The following SLC22A23 variants were observed in gnomAD, a reference collection of about 807,000 sequenced individuals.
The protein encoded by SLC22A23 is ion transporter protein.
In SLC22A23, 26 loss-of-function variants were observed where a neutral mutation model predicts 61.0. The ratio of observed to expected loss-of-function variants is 0.43; its 90% CI spans 0.31 to 0.59. SLC22A23 has a LOEUF of 0.59. Among genes scored for constraint, SLC22A23 ranks in the 20% least tolerant of loss-of-function variants. The pLI is 0.11. For synonymous variants in SLC22A23, 430 were observed against 413.9 expected (o/e 1.04, Z -0.47); for missense variants, 796 against 934.7 (o/e 0.85, Z 1.94).
chr6:3,383,401 TA>T (rs1232491682), intron 3 of SLC22A23, among the ~76,000 whole-genome samples: 1 of 152,154 alleles, frequency 6.6e-6, no homozygotes. Context: ...CAAAGCCGGG[TA>T]GTGAGTACAT....
chr6:3,289,742 G>T, intron 6 of SLC22A23, 22 bp downstream of exon 6: 3 of 1,605,324 alleles, frequency 1.9e-6, no homozygotes, highest in Non-Finnish European at 1.7e-6. Flanking sequence ...CACCCAGCTG[G>T]CACTTGTCCT....
At chr6:3,279,520 A>AAAAAAAAAAAAAAAC (rs1759236164) in intron 9 of SLC22A23, among the ~76,000 whole-genome samples, 1 of 147,942 alleles carries the variant, frequency 6.8e-6, no homozygotes, top group Non-Finnish European at 1.5e-5. Context: ...AAAAAAAAAA[A>AAAAAAAAAAAAAAAC]AAAAAAAAAA....
At position 3,318,402 on chromosome 6, in the gene SLC22A23, C is replaced by G. The variant is rs557087939; in HGVS notation, c.1082+5432G>C. Among the ~76,000 whole-genome samples the G allele has an allele frequency of 6.6e-6, 1 of 152,160 alleles. No homozygotes were observed. Among genetic ancestry groups the G allele is most frequent in the East Asian group, 1.9e-4 (1 of 5,184 alleles). ...CACCATCCGCCTGCCCCAGTCACCC[C>G]GGGGCCAGCTTCCAGACACCTAGGG... On this transcript the variant is annotated intron_variant, in intron 4 of 9. Transcript: ENST00000406686. This position sits in a 1 kb window ranked among gnomAD's most constrained non-coding sequence, Gnocchi z 4.3.
At chr6:3,292,366 G>T (rs1239945400) in intron 5 of SLC22A23, among the ~76,000 whole-genome samples, 3 of 152,220 alleles carry the variant, frequency 2.0e-5, no homozygotes, top group Non-Finnish European at 4.4e-5. Flanking sequence ...GTATCAGATG[G>T]ACATCTAGAG....
intron 3 of SLC22A23, among the ~76,000 whole-genome samples, chr6:3,350,767 T>C (rs982424595): frequency 2.0e-5 from 3 of 152,162 alleles, no homozygotes; most frequent in Non-Finnish European, 2.9e-5. Flanking sequence ...TGATTTTTAT[T>C]ATGAGAGCAG....
At chr6:3,365,505 T>C (rs1765748855) in intron 3 of SLC22A23, among the ~76,000 whole-genome samples, 1 of 151,822 alleles carries the variant, frequency 6.6e-6, no homozygotes, top group Non-Finnish European at 1.5e-5. Context: ...TGGCTGAGCC[T>C]GAGTGAGTGA....
At chr6:3,400,535 T>C (rs12204791) in intron 3 of SLC22A23, among the ~76,000 whole-genome samples, 16,977 of 152,262 alleles carry the variant, frequency 0.11, 1,049 homozygotes, top group Middle Eastern at 0.14. Flanking sequence ...TGGAACTTCA[T>C]GGTTTTACAG....
intron 1 of SLC22A23, among the ~76,000 whole-genome samples, chr6:3,441,442 T>C (rs1771589352): frequency 6.6e-6 from 1 of 152,158 alleles, no homozygotes; most frequent in African/African-American, 2.4e-5. Context: ...TCAGGACCCA[T>C]GCCCTCCTCT....
chr6:3,344,696 C>A (rs1688977852), intron 3 of SLC22A23, among the ~76,000 whole-genome samples: 1 of 152,202 alleles, frequency 6.6e-6, no homozygotes, highest in Non-Finnish European at 1.5e-5. Context: ...TTGAAAGAAC[C>A]AATTCCAAAC....
Position 3,304,030 on chromosome 6 carries a change from T to A in SLC22A23, c.1083-5812A>T, listed in dbSNP as rs1306103868. Among the ~76,000 whole-genome samples, 1 of 152,230 alleles carries A rather than the reference T, an allele frequency of 6.6e-6. No individual in the cohort carries two copies. Among genetic ancestry groups the A allele is most frequent in the East Asian group, 1.9e-4 (1 of 5,202 alleles). On this transcript the variant is annotated intron_variant, in intron 4 of 9. Transcript: ENST00000406686. This position sits in a 1 kb window ranked among gnomAD's most constrained non-coding sequence, Gnocchi z 4.3. ...ATTATGCATACCAGGCAGACATTGG[T>A]GCTACTGGAATTCCATCAGTCCAGG...
chr6:3,286,021 A>G lies in SLC22A23; in HGVS notation c.1546+838T>C, dbSNP rs780670039. The stretch of plus-strand genomic sequence containing the variant: ...AGATGCTGTGGTGGTTTGTCCATAC[A>G]CGGGAATGGGTATTTGTTGGTGAGG... On this transcript the variant is annotated intron_variant, in intron 7 of 9. Coordinates refer to ENST00000406686, the MANE Select transcript of SLC22A23 (RefSeq NM_015482.2). This position sits in a 1 kb window ranked among gnomAD's most constrained non-coding sequence, Gnocchi z 4.2. 6.6e-6 allele frequency among the ~76,000 whole-genome samples: 1 copy of G among 151,848 alleles called. No homozygotes were observed. Among genetic ancestry groups the G allele is most frequent in the Non-Finnish European group, 1.5e-5 (1 of 67,996 alleles).
chr6:3,356,863 A>C lies in SLC22A23; in HGVS notation c.914-32861T>G, dbSNP rs142494316. On this transcript the variant is annotated intron_variant, in intron 3 of 9. Transcript: ENST00000406686. Reference sequence around the variant, plus strand: ...AATATCAAGTAGTATCCCCATTTCCAAGATGGGAAATGGCCCCTTCAAAGG... The same window carrying C: ...AATATCAAGTAGTATCCCCATTTCCCAGATGGGAAATGGCCCCTTCAAAGG... Among the ~76,000 whole-genome samples the C allele has an allele frequency of 3.2e-3, 484 of 152,152 alleles. 4 individuals are homozygous for C. Among genetic ancestry groups the C allele is most frequent in the African/African-American group, 0.01 (434 of 41,510 alleles).
chr6:3,310,144 C>A (rs1762265751), intron 4 of SLC22A23, among the ~76,000 whole-genome samples: 1 of 152,208 alleles, frequency 6.6e-6, no homozygotes, highest in Non-Finnish European at 1.5e-5. Context: ...AGGAAAATTT[C>A]TCTGTGTTTT....
Position 3,456,086 on chromosome 6 carries a change from G to A in SLC22A23, c.474C>T (p.Thr158=). ...DMGNWTSLPT[T]PFATAPWEAA... ...CCTCCCAGGGGGCAGTGGCGAAGGG[G>A]GTGGTGGGGAGGCTGGTCCAGTTGC... Residue 158 remains threonine, a synonymous_variant, in exon 1 of 10, where the codon ACC becomes ACT. Coordinates refer to ENST00000406686, the MANE Select transcript of SLC22A23 (RefSeq NM_015482.2). The surrounding 1 kb of genome is among the most constrained non-coding windows in gnomAD (Gnocchi z 7.1). 3.9e-6 allele frequency: 6 copies of A among 1,550,406 alleles called. No individual in the cohort carries two copies. The highest frequency in any genetic ancestry group is 5.2e-6 in the Non-Finnish European group (6 of 1,146,644).
intron 3 of SLC22A23, among the ~76,000 whole-genome samples, chr6:3,382,258 A>G (rs1009183741): frequency 1.3e-5 from 2 of 152,258 alleles, no homozygotes; most frequent in Admixed American, 1.3e-4. Context: ...AGAAAGTGTC[A>G]GATGAAGGAC....
Position 3,308,126 on chromosome 6 carries a change from G to T in SLC22A23, c.1083-9908C>A, listed in dbSNP as rs113111952. On this transcript the variant is annotated intron_variant, in intron 4 of 9. Coordinates refer to ENST00000406686, the MANE Select transcript of SLC22A23 (RefSeq NM_015482.2). The surrounding 1 kb of genome is among the most constrained non-coding windows in gnomAD (Gnocchi z 5.1). ...GGTGGAGATGGCTGCACAACATCGCGTTGTGGATGTGGTCACTGAGTTGTA... is the reference window on the plus strand; with the variant it reads ...GGTGGAGATGGCTGCACAACATCGCTTTGTGGATGTGGTCACTGAGTTGTA... Among the ~76,000 whole-genome samples, 9 of 152,208 alleles carry T rather than the reference G, an allele frequency of 5.9e-5. No individual in the cohort carries two copies. Among genetic ancestry groups the T allele is most frequent in the African/African-American group, 2.2e-4 (9 of 41,440 alleles).
intron 3 of SLC22A23, among the ~76,000 whole-genome samples, chr6:3,352,271 GCACACACA>G (rs57754893): frequency 1.0e-4 from 15 of 149,286 alleles, no homozygotes; most frequent in Non-Finnish European, 1.9e-4. Context: ...ACACAGACAT[GCACACACA>G]CACACACACA....
rs553772185 is a variant in SLC22A23, at chr6:3,347,304, C to A, written c.914-23302G>T. On this transcript the variant is annotated intron_variant, in intron 3 of 9. Coordinates refer to ENST00000406686, the MANE Select transcript of SLC22A23 (RefSeq NM_015482.2). ...AACTGGACCCTAGCGTTCTTGTGGG[C>A]CATGTCCTTCTCTCACACTTCCTCG... Among the ~76,000 whole-genome samples the A allele has an allele frequency of 3.3e-5, 5 of 152,296 alleles. No individual in the cohort carries two copies. The East Asian group carries it at 9.6e-4, about 29-fold the overall frequency.
intron 5 of SLC22A23, among the ~76,000 whole-genome samples, chr6:3,296,815 C>A (rs563830343): frequency 6.6e-6 from 1 of 152,208 alleles, no homozygotes; most frequent in East Asian, 1.9e-4. Context: ...TACGGCAGCA[C>A]CAAGGAGCTT....
Sources: gnomAD v4.1 joint callset for allele counts (sites outside exome capture counted in the v4.1 genomes callset) on GRCh38, gnomAD v4.1.1 for gene constraint, Gnocchi (gnomAD v3.1) non-coding constraint, MANE v1.5 for transcripts, NCBI Gene and HGNC (gene_info 2026-07-23, HGNC 2026-07-21) for gene names.